Variants in PITPNC1 observed in about 807,000 individuals in gnomAD.
The protein encoded by PITPNC1 is cytoplasmic phosphatidylinositol transfer protein 1.
In PITPNC1, 18 loss-of-function variants were observed where a neutral mutation model predicts 44.7. The observed-to-expected ratio is 0.40, with a 90% CI of 0.28 to 0.60. PITPNC1 has a LOEUF of 0.60. PITPNC1 is among the 20% of genes least tolerant of loss of function. The probability of loss-of-function intolerance (pLI) is 0.39; values close to 1 mark genes in which losing one functional copy is unlikely to be tolerated. For missense variants in PITPNC1, 290 were observed against 418.4 expected (o/e 0.69, Z 2.68); for synonymous variants, 141 against 149.6 (o/e 0.94, Z 0.42).
At chr17:67,591,909 C>T (rs2041397155) in intron 5 of PITPNC1, among the ~76,000 whole-genome samples, 1 of 149,318 alleles carries the variant, frequency 6.7e-6, no homozygotes, top group Non-Finnish European at 1.5e-5. Context: ...ATGGGCATCT[C>T]GCTGTGTTGC....
At position 67,586,701 on chromosome 17, in the gene PITPNC1, TAC is replaced by T. The variant is rs148680069; in HGVS notation, c.366+8446_366+8447del. ...CTAACCATGATTCCACTGCCAAAACTACAGACTTCATTCAGATTTCACCAGTT... is the reference window on the plus strand; with the variant it reads ...CTAACCATGATTCCACTGCCAAAACTAGACTTCATTCAGATTTCACCAGTT... On this transcript the variant is annotated intron_variant, in intron 5 of 8. Transcript: ENST00000581322. Among the ~76,000 whole-genome samples, 273 of 152,330 alleles carry T rather than the reference TAC, an allele frequency of 1.8e-3. 1 individual carries two copies. Among genetic ancestry groups the T allele is most frequent in the African/African-American group, 5.4e-3 (224 of 41,582 alleles).
chr17:67,397,724 G>A lies in PITPNC1; in HGVS notation c.48+19522G>A, dbSNP rs558297443. ...GGTGTGTCCCATCTCCAATCAGGATGTTCAACTTGCTTTCTTGGATCTTTT... is the reference window on the plus strand; with the variant it reads ...GGTGTGTCCCATCTCCAATCAGGATATTCAACTTGCTTTCTTGGATCTTTT... On this transcript the variant is annotated intron_variant, in intron 1 of 8. Coordinates refer to ENST00000581322, the MANE Select transcript of PITPNC1 (RefSeq NM_012417.4). 3.3e-5 allele frequency among the ~76,000 whole-genome samples: 5 copies of A among 152,260 alleles called. No homozygotes were observed. The South Asian group carries it at 1.0e-3, about 32-fold the overall frequency.
intron 6 of PITPNC1, among the ~76,000 whole-genome samples, chr17:67,648,860 CAA>C (rs200277291): frequency 6.6e-6 from 1 of 151,768 alleles, no homozygotes; most frequent in East Asian, 1.9e-4. Context: ...GGGGCATCTG[CAA>C]AAAAAAGCTG....
intron 1 of PITPNC1, among the ~76,000 whole-genome samples, chr17:67,490,350 GT>G (rs2039846634): frequency 1.3e-5 from 2 of 151,552 alleles, no homozygotes; most frequent in African/African-American, 2.4e-5. Flanking sequence ...TTGGTTTTTT[GT>G]TTTTTGTTTT....
intron 5 of PITPNC1, among the ~76,000 whole-genome samples, chr17:67,609,450 C>T (rs111703284): frequency 6.6e-5 from 10 of 151,834 alleles, no homozygotes; most frequent in African/African-American, 1.9e-4. Flanking sequence ...CCACCATGCC[C>T]GGCTAACTTT....
chr17:67,625,670 C>T (rs2041887303), intron 5 of PITPNC1, among the ~76,000 whole-genome samples: 1 of 152,128 alleles, frequency 6.6e-6, no homozygotes, highest in African/African-American at 2.4e-5. Flanking sequence ...GTGGCAGCCC[C>T]TCTATGTACC....
chr17:67,554,350 C>A (rs757969664), intron 4 of PITPNC1, among the ~76,000 whole-genome samples: 2 of 150,952 alleles, frequency 1.3e-5, no homozygotes, highest in African/African-American at 2.4e-5. Context: ...TTTCACCTAC[C>A]GGGTTCAAGC....
intron 1 of PITPNC1, among the ~76,000 whole-genome samples, chr17:67,464,252 C>T (rs1005116668): frequency 6.6e-6 from 1 of 151,954 alleles, no homozygotes; most frequent in Non-Finnish European, 1.5e-5. Context: ...TAAGTATAGA[C>T]TGCCTTATGT....
At chr17:67,392,897 A>G (rs1403103188) in intron 1 of PITPNC1, among the ~76,000 whole-genome samples, 1 of 152,110 alleles carries the variant, frequency 6.6e-6, no homozygotes, top group African/African-American at 2.4e-5. Context: ...AGGCAGGCGG[A>G]TTACTTGAGG....
intron 1 of PITPNC1, chr17:67,524,426 CAG>C (rs35805041): frequency 0.034 from 5,097 of 151,092 alleles, 109 homozygotes; most frequent in Non-Finnish European, 0.053. Flanking sequence ...GCCTGGATGA[CAG>C]AGCGAGACCC....
In PITPNC1 at chr17:67,562,664, C is replaced by T. The variant is rs189806736; in HGVS notation, c.294+9047C>T. ...ATTTGTATCTAAAGTCATACGTAAC[C>T]CTCACAAGGCAGAAGGGCGAAGGGA... is the stretch of plus-strand genomic sequence containing the variant. On this transcript the variant is annotated intron_variant, in intron 4 of 8. Coordinates refer to ENST00000581322, the MANE Select transcript of PITPNC1 (RefSeq NM_012417.4). Among the ~76,000 whole-genome samples the T allele has an allele frequency of 2.6e-5, 4 of 152,180 alleles. No individual in the cohort carries two copies. In the East Asian group the frequency reaches 7.7e-4, roughly 29 times the overall value.
intron 1 of PITPNC1, among the ~76,000 whole-genome samples, chr17:67,514,681 C>T (rs2040235208): frequency 1.3e-5 from 2 of 151,920 alleles, no homozygotes; most frequent in African/African-American, 4.8e-5. Flanking sequence ...CAAAAAATAG[C>T]CCAGCATGGT....
Position 67,460,711 on chromosome 17 carries a change from G to A in PITPNC1, c.49-72091G>A, listed in dbSNP as rs1306166891. ...ATTACAGGCATGAGCCACCGTGCCC[G>A]GCCCTTTCTTTTTTCTTTTTCTTTC... On this transcript the variant is annotated intron_variant, in intron 1 of 8. Transcript: ENST00000581322. 4.7e-5 allele frequency among the ~76,000 whole-genome samples: 7 copies of A among 149,358 alleles called. No homozygotes were observed. The Admixed American group carries it at 4.7e-4, about 10-fold the overall frequency.
intron 1 of PITPNC1, among the ~76,000 whole-genome samples, chr17:67,408,209 C>T (rs2038430104): frequency 6.6e-6 from 1 of 152,190 alleles, no homozygotes; most frequent in Admixed American, 6.5e-5. Context: ...CCACCTCAGC[C>T]TCCCAAAGTA....
At chr17:67,688,977 C>A (rs1412130741) in intron 8 of PITPNC1, among the ~76,000 whole-genome samples, 1 of 152,152 alleles carries the variant, frequency 6.6e-6, no homozygotes, top group South Asian at 2.1e-4. Flanking sequence ...CCAAGGCGGG[C>A]GTATCACCTG....
At chr17:67,675,908 C>T (rs1015834088) in intron 8 of PITPNC1, among the ~76,000 whole-genome samples, 32 of 152,168 alleles carry the variant, frequency 2.1e-4, no homozygotes, top group Non-Finnish European at 5.9e-5. Context: ...ATTCAGACAA[C>T]ATTTGAAACC....
chr17:67,455,490 G>T (rs1441178925), intron 1 of PITPNC1, among the ~76,000 whole-genome samples: 1 of 152,028 alleles, frequency 6.6e-6, no homozygotes, highest in Non-Finnish European at 1.5e-5. Context: ...ATGCAATCCC[G>T]GCTCACTGCA....
At chr17:67,462,206 T>C (rs1372631610) in intron 1 of PITPNC1, among the ~76,000 whole-genome samples, 1 of 149,538 alleles carries the variant, frequency 6.7e-6, no homozygotes, top group Non-Finnish European at 1.5e-5. Flanking sequence ...TTTTCTTTTC[T>C]TTTTCTCTTT....
At chr17:67,652,324 G>A (rs922774606) in intron 6 of PITPNC1, among the ~76,000 whole-genome samples, 5 of 152,148 alleles carry the variant, frequency 3.3e-5, no homozygotes, top group Admixed American at 6.5e-5. Context: ...TATCCAAAAC[G>A]AGGACGCAGT....
Sources: gnomAD v4.1 joint callset for allele counts (sites outside exome capture counted in the v4.1 genomes callset) on GRCh38, gnomAD v4.1.1 for gene constraint, MANE v1.5 for transcripts, NCBI Gene and HGNC (gene_info 2026-07-23, HGNC 2026-07-21) for gene names.